The following BMPER variants were observed in gnomAD, a reference collection of about 807,000 sequenced individuals.
The protein encoded by BMPER is BMP-binding endothelial regulator protein.
BMPER carries 45 observed loss-of-function variants against 87.3 expected under a neutral mutation model. The ratio of observed to expected loss-of-function variants is 0.52; its 90% CI spans 0.41 to 0.66. The LOEUF is 0.66. Among genes scored for constraint, BMPER ranks in the 30% least tolerant of loss-of-function variants. The pLI is 0.00. For missense variants in BMPER, 784 were observed against 867.5 expected, an observed-to-expected ratio of 0.90 and a Z score of 1.21; for synonymous variants, 326 against 316.2, an observed-to-expected ratio of 1.03 and a Z score of -0.33.
intron 13 of BMPER, among the ~76,000 whole-genome samples, chr7:34,123,120 T>C (rs1790304205): frequency 6.6e-6 from 1 of 152,156 alleles, no homozygotes; most frequent in Non-Finnish European, 1.5e-5. Flanking sequence ...TGGAAGAAAA[T>C]CATTAGACTG....
At chr7:34,019,585 A>G (rs1304802397) in intron 6 of BMPER, among the ~76,000 whole-genome samples, 2 of 152,040 alleles carry the variant, frequency 1.3e-5, no homozygotes, top group Non-Finnish European at 2.9e-5. Context: ...CAGGTACAAA[A>G]GCATCTCTCT....
intron 6 of BMPER, among the ~76,000 whole-genome samples, chr7:33,991,710 G>A (rs1385542319): frequency 2.7e-5 from 4 of 150,740 alleles, no homozygotes; most frequent in African/African-American, 9.8e-5. Context: ...TGTGATGTTA[G>A]GGTGTCAATT....
chr7:34,112,581 T>A lies in BMPER; in HGVS notation c.1745+26489T>A, dbSNP rs924117853. 2.0e-5 allele frequency among the ~76,000 whole-genome samples: 3 copies of A among 149,766 alleles called. No individual in the cohort carries two copies. In the East Asian group the frequency reaches 5.9e-4, roughly 30 times the overall value. ...GAACTGGTTTTTTCATTTTGAGGTATACGTGCATATGTATACACACATACA... is the reference window on the plus strand; with the variant it reads ...GAACTGGTTTTTTCATTTTGAGGTAAACGTGCATATGTATACACACATACA... On this transcript the variant is annotated intron_variant, in intron 13 of 14. Coordinates refer to ENST00000649409, the MANE Select transcript of BMPER (RefSeq NM_001365308.1).
At chr7:34,150,854 TG>T (rs1791158024) in intron 14 of BMPER, among the ~76,000 whole-genome samples, 1 of 152,148 alleles carries the variant, frequency 6.6e-6, no homozygotes, top group Non-Finnish European at 1.5e-5. Flanking sequence ...GGTGTGTGTA[TG>T]TAGCGAGAGA....
intron 13 of BMPER, among the ~76,000 whole-genome samples, chr7:34,092,811 A>G (rs1217891405): frequency 6.6e-6 from 1 of 152,256 alleles, no homozygotes; most frequent in African/African-American, 2.4e-5. Flanking sequence ...AAGGTATGAA[A>G]ATGTATGGAA....
At chr7:34,121,713 C>G (rs189322809) in intron 13 of BMPER, among the ~76,000 whole-genome samples, 8 of 152,356 alleles carry the variant, frequency 5.3e-5, no homozygotes, top group Admixed American at 4.6e-4. Context: ...TCCAGAACTT[C>G]AGAAGGAAAA....
At chr7:33,928,062 C>A (rs149448472) in intron 2 of BMPER, among the ~76,000 whole-genome samples, 1 of 152,266 alleles carries the variant, frequency 6.6e-6, no homozygotes, top group Non-Finnish European at 1.5e-5. Context: ...TCACCCCTGG[C>A]CTGCAGATTC....
At chr7:34,134,156 AT>A (rs1790661332) in intron 13 of BMPER, among the ~76,000 whole-genome samples, 1 of 152,106 alleles carries the variant, frequency 6.6e-6, no homozygotes, top group Non-Finnish European at 1.5e-5. Flanking sequence ...GGTGTTTAGG[AT>A]TACACAGGGG....
At chr7:34,020,872 A>ACACG (rs1205854811) in intron 6 of BMPER, among the ~76,000 whole-genome samples, 1 of 151,318 alleles carries the variant, frequency 6.6e-6, no homozygotes, top group African/African-American at 2.4e-5. Flanking sequence ...ACACACACAC[A>ACACG]CACACACACA....
intron 1 of BMPER, among the ~76,000 whole-genome samples, chr7:33,906,571 C>G (rs1783822275): frequency 6.6e-6 from 1 of 152,118 alleles, no homozygotes; most frequent in Non-Finnish European, 1.5e-5. Flanking sequence ...TGTGCTTAGA[C>G]CATCTGAGAA....
At chr7:34,124,836 T>A (rs2110857) in intron 13 of BMPER, among the ~76,000 whole-genome samples, 2 of 152,084 alleles carry the variant, frequency 1.3e-5, no homozygotes, top group African/African-American at 4.8e-5. Flanking sequence ...TCTTTTGCTT[T>A]AGTTTTAACA....
intron 13 of BMPER, among the ~76,000 whole-genome samples, chr7:34,096,357 C>G (rs756600394): frequency 3.9e-5 from 6 of 152,212 alleles, no homozygotes; most frequent in Non-Finnish European, 8.8e-5. Context: ...AGAAGGCACA[C>G]TGGCCTCTGT....
Position 33,970,409 on chromosome 7 carries a change from C to T in BMPER, c.483C>T (p.Pro161=). The T allele has an allele frequency of 6.2e-7, 1 of 1,614,036 alleles. No individual in the cohort carries two copies. The highest frequency in any genetic ancestry group is 8.5e-7 in the Non-Finnish European group (1 of 1,179,916). ...TGGAGCATCTGGGAATGTGCTGCCCCACATGTCCAGGTAACGTTCTCAGGA... is the reference window on the plus strand; with the variant it reads ...TGGAGCATCTGGGAATGTGCTGCCCTACATGTCCAGGTAACGTTCTCAGGA... ...NPLEHLGMCC[P]TCPGCVFEGV... Residue 161 remains proline (P), a synonymous_variant, in exon 5 of 15, where the codon CCC becomes CCT. Transcript: ENST00000649409.
rs6951556 is a variant in BMPER, at chr7:33,984,676, C to A, written c.576+9892C>A. Reference sequence around the variant, plus strand: ...TGCTTTTGAAGTTACTTTCTCTTATCTGTCTAAGAAGCAGATGTGTTTATA... The same window carrying A: ...TGCTTTTGAAGTTACTTTCTCTTATATGTCTAAGAAGCAGATGTGTTTATA... On this transcript the variant is annotated intron_variant, in intron 6 of 14. Transcript: ENST00000649409. Among the ~76,000 whole-genome samples the A allele has an allele frequency of 3.2e-3, 480 of 152,260 alleles. 3 individuals carry two copies. Among genetic ancestry groups the A allele is most frequent in the African/African-American group, 0.011 (457 of 41,558 alleles).
chr7:34,065,116 TA>T (rs2127966778), intron 11 of BMPER, among the ~76,000 whole-genome samples: 1 of 152,232 alleles, frequency 6.6e-6, no homozygotes, highest in African/African-American at 2.4e-5. Flanking sequence ...TAGTGTTTTC[TA>T]AAGCCAGAAA....
chr7:34,100,599 A>G (rs1248962897), intron 13 of BMPER, among the ~76,000 whole-genome samples: 1 of 152,190 alleles, frequency 6.6e-6, no homozygotes, highest in Non-Finnish European at 1.5e-5. Flanking sequence ...CCTGTCTATG[A>G]TTCATTCATG....
intron 2 of BMPER, among the ~76,000 whole-genome samples, chr7:33,936,934 C>A (rs1335652060): frequency 2.6e-5 from 4 of 152,102 alleles, no homozygotes; most frequent in Non-Finnish European, 5.9e-5. Context: ...GCCCAACAGG[C>A]AAAATATGGT....
chr7:34,046,043 T>C (rs1787955377), intron 6 of BMPER, among the ~76,000 whole-genome samples: 2 of 152,004 alleles, frequency 1.3e-5, no homozygotes, highest in South Asian at 4.2e-4. Flanking sequence ...GGTTTTGAGA[T>C]GCAAAAAGAT....
intron 3 of BMPER, among the ~76,000 whole-genome samples, chr7:33,942,105 G>A (rs1006957743): frequency 2.0e-5 from 3 of 151,980 alleles, no homozygotes; most frequent in African/African-American, 7.2e-5. Context: ...ATGACCAATA[G>A]TGAAAGCTTA....
Sources: gnomAD v4.1 joint callset for allele counts (sites outside exome capture counted in the v4.1 genomes callset) on GRCh38, gnomAD v4.1.1 for gene constraint, MANE v1.5 for transcripts, NCBI Gene and HGNC (gene_info 2026-07-23, HGNC 2026-07-21) for gene names.